LRP1B: variants seen among roughly 807,000 people sequenced by gnomAD.
The protein encoded by LRP1B is low-density lipoprotein receptor-related protein 1B.
In LRP1B, 217 loss-of-function variants were observed where a neutral mutation model predicts 556.6. The ratio of observed to expected loss-of-function variants is 0.39; its 90% CI spans 0.35 to 0.44. The LOEUF is 0.44. Among genes scored for constraint, LRP1B ranks in the 20% least tolerant of loss-of-function variants. The probability of loss-of-function intolerance (pLI) is 1.00; values close to 1 mark genes in which losing one functional copy is unlikely to be tolerated. For synonymous variants in LRP1B, 2,047 were observed against 1,865.8 expected (o/e 1.10, Z -2.50); for missense variants, 5,053 against 5,620.8 (o/e 0.90, Z 3.23).
intron 37 of LRP1B, among the ~76,000 whole-genome samples, chr2:140,713,419 A>C (rs1687104984): frequency 6.6e-6 from 1 of 151,436 alleles, no homozygotes; most frequent in African/African-American, 2.4e-5. Flanking sequence ...GGCTTGAGGG[A>C]AGGGAAAGAA....
chr2:141,892,773 A>G (rs1222845784), intron 1 of LRP1B, among the ~76,000 whole-genome samples: 1 of 152,176 alleles, frequency 6.6e-6, no homozygotes, highest in African/African-American at 2.4e-5. Context: ...ATCGTTCAGC[A>G]TTCTCTATTT....
At chr2:141,077,651 T>C (rs1014040017) in intron 7 of LRP1B, among the ~76,000 whole-genome samples, 1 of 152,198 alleles carries the variant, frequency 6.6e-6, no homozygotes, top group Admixed American at 6.6e-5. Context: ...AGCAGAACTG[T>C]GATTTCCCCC....
chr2:141,983,931 G>A (rs1048453071), intron 1 of LRP1B, among the ~76,000 whole-genome samples: 3 of 152,026 alleles, frequency 2.0e-5, no homozygotes, highest in Non-Finnish European at 4.4e-5. Flanking sequence ...CATAGTGGCA[G>A]GTGCCTATAA....
chr2:142,002,011 T>C (rs950947178), intron 1 of LRP1B, among the ~76,000 whole-genome samples: 2 of 152,172 alleles, frequency 1.3e-5, no homozygotes, highest in African/African-American at 4.8e-5. Flanking sequence ...GAAGAGAACA[T>C]TAATTCAACT....
chr2:141,755,685 T>A (rs973999924), intron 2 of LRP1B, among the ~76,000 whole-genome samples: 1 of 152,058 alleles, frequency 6.6e-6, no homozygotes, highest in Non-Finnish European at 1.5e-5. Context: ...TATGGAAGTA[T>A]ATACAAAAGG....
At chr2:140,616,851 G>C (rs1361238941) in intron 41 of LRP1B, among the ~76,000 whole-genome samples, 2 of 151,622 alleles carry the variant, frequency 1.3e-5, no homozygotes, top group African/African-American at 4.8e-5. Flanking sequence ...TCATGCCCTA[G>C]CTGATTTCTT....
intron 3 of LRP1B, among the ~76,000 whole-genome samples, chr2:141,452,621 C>A (rs979082331): frequency 2.0e-5 from 3 of 152,152 alleles, no homozygotes; most frequent in Non-Finnish European, 2.9e-5. Flanking sequence ...GCCAAAATAT[C>A]TCTAATCTTT....
intron 2 of LRP1B, among the ~76,000 whole-genome samples, chr2:141,531,492 A>G (rs1684869790): frequency 6.6e-6 from 1 of 152,136 alleles, no homozygotes; most frequent in African/African-American, 2.4e-5. Context: ...GTCATGTACA[A>G]TGGAAGCTAT....
intron 35 of LRP1B, 25 bp downstream of exon 35, chr2:140,769,188 A>C (rs1184105495): frequency 6.2e-7 from 1 of 1,604,002 alleles, no homozygotes; most frequent in Non-Finnish European, 8.5e-7. Context: ...TATTATGCAT[A>C]AATTATGACT....
At chr2:141,046,062 C>A (rs775365365) in intron 11 of LRP1B, among the ~76,000 whole-genome samples, 30 of 151,988 alleles carry the variant, frequency 2.0e-4, no homozygotes, top group Non-Finnish European at 3.8e-4. Flanking sequence ...TTTCAATAAA[C>A]CTCTAGGAGA....
chr2:140,533,235 A>G (rs533753555), intron 47 of LRP1B, among the ~76,000 whole-genome samples: 5 of 152,144 alleles, frequency 3.3e-5, no homozygotes, highest in Admixed American at 6.5e-5. Context: ...ATATATATAT[A>G]AAAGCCAGTG....
intron 25 of LRP1B, among the ~76,000 whole-genome samples, chr2:140,873,046 TC>T (rs1252478112): frequency 6.6e-6 from 1 of 152,118 alleles, no homozygotes; most frequent in East Asian, 1.9e-4. Context: ...AAATATTTTT[TC>T]CAGTTTACAT....
chr2:141,492,427 G>A lies in LRP1B; in HGVS notation c.206-11894C>T, dbSNP rs115800171. ...GGAGAAGTTTGCTCTGTGACTGTTG[G>A]TCAAATGACACAGATTCACTGCAGT... On this transcript the variant is annotated intron_variant, in intron 2 of 90. Transcript: ENST00000389484. Among the ~76,000 whole-genome samples, 654 of 152,232 alleles carry A rather than the reference G, an allele frequency of 4.3e-3. 8 individuals are homozygous for A. The highest frequency in any genetic ancestry group is 0.014 in the African/African-American group (584 of 41,554).
chr2:141,007,336 T>C (rs950632948), intron 14 of LRP1B, among the ~76,000 whole-genome samples: 10 of 151,788 alleles, frequency 6.6e-5, no homozygotes, highest in African/African-American at 2.4e-4. Flanking sequence ...TCAGAACAAA[T>C]GACCTAAAGT....
chr2:141,752,918 T>C (rs1354636764), intron 2 of LRP1B, among the ~76,000 whole-genome samples: 1 of 100,646 alleles, frequency 9.9e-6, no homozygotes, highest in Non-Finnish European at 1.9e-5. Context: ...AACTCCAGCC[T>C]GGGTGACAGA....
chr2:140,901,703 G>A (rs762612440), intron 23 of LRP1B, among the ~76,000 whole-genome samples: 1 of 152,218 alleles, frequency 6.6e-6, no homozygotes, highest in African/African-American at 2.4e-5. Context: ...AAAAAGTATA[G>A]ATGAGAAAAC....
chr2:141,243,462 A>G (rs895893696), intron 5 of LRP1B, among the ~76,000 whole-genome samples: 7 of 152,148 alleles, frequency 4.6e-5, no homozygotes, highest in African/African-American at 1.7e-4. Flanking sequence ...AGCCTGAGCA[A>G]TAGTGTGAGA....
chr2:142,059,661 C>T (rs1258193397), intron 1 of LRP1B, among the ~76,000 whole-genome samples: 1 of 152,010 alleles, frequency 6.6e-6, no homozygotes, highest in Admixed American at 6.6e-5. Context: ...GTAAGAAATA[C>T]ATTTATCTTA....
At chr2:141,887,263 T>G (rs1056804370) in intron 1 of LRP1B, among the ~76,000 whole-genome samples, 3 of 152,206 alleles carry the variant, frequency 2.0e-5, no homozygotes, top group African/African-American at 7.2e-5. Context: ...CCCGAAGTGC[T>G]GGGATTTCAG....
Sources: allele counts gnomAD v4.1 joint callset (sites outside exome capture counted in the v4.1 genomes callset), GRCh38; gene constraint gnomAD v4.1.1; transcripts MANE v1.5; gene names NCBI Gene and HGNC (gene_info 2026-07-23, HGNC 2026-07-21).